UNC80: variants seen among roughly 807,000 people sequenced by gnomAD.
UNC80 encodes protein unc-80 homolog.
UNC80 carries 164 observed loss-of-function variants against 384.6 expected under a neutral mutation model. The ratio of observed to expected loss-of-function variants is 0.43; its 90% CI spans 0.38 to 0.49. UNC80 has a LOEUF of 0.49. Ranked by LOEUF, UNC80 falls within the 20% of genes least tolerant of loss-of-function variation. The pLI is 0.00. For missense variants in UNC80, 3,330 were observed against 4,143.0 expected (o/e 0.80, Z 5.39); for synonymous variants, 1,486 against 1,527.8 (o/e 0.97, Z 0.64).
chr2:209,918,032 A>G, intron 32 of UNC80, 74 bp downstream of exon 32: 3 of 1,406,594 alleles, frequency 2.1e-6, no homozygotes, highest in African/African-American at 1.4e-5. Context: ...TTGAACCTCA[A>G]AGTCACAGTA....
chr2:209,988,433 C>T (rs188286113), intron 61 of UNC80, among the ~76,000 whole-genome samples: 7 of 152,094 alleles, frequency 4.6e-5, no homozygotes, highest in Admixed American at 1.3e-4. Flanking sequence ...TTGAAATGAG[C>T]GATATGAATT....
At chr2:209,882,828 G>C (rs1286105120) in intron 25 of UNC80, among the ~76,000 whole-genome samples, 2 of 152,020 alleles carry the variant, frequency 1.3e-5, no homozygotes, top group East Asian at 1.9e-4. Flanking sequence ...AGTTTGACTA[G>C]GTTATTTTTG....
chr2:209,831,333 G>A, intron 15 of UNC80, 110 bp from the exon 16 acceptor site: 2 of 1,154,734 alleles, frequency 1.7e-6, no homozygotes, highest in South Asian at 1.9e-5. Flanking sequence ...CCTTGTTTCT[G>A]TATTTCACAT....
rs912013754 is a variant in UNC80, at chr2:209,984,947, G to A, written c.9314+35G>A. On this transcript the variant is annotated intron_variant, in intron 61 of 64. Coordinates refer to ENST00000673920, the MANE Select transcript of UNC80 (RefSeq NM_001371986.1). ...CAATGCTACCTGTCTATTGGTGTCT[G>A]TGCTGGGAAACTAGCTGTTCCCTGT... 6 of 1,531,440 alleles carry A rather than the reference G, an allele frequency of 3.9e-6. No individual in the cohort carries two copies. In the South Asian group the frequency reaches 6.2e-5, roughly 16 times the overall value. 94.9% of individuals were successfully genotyped at this position (1,531,440 alleles called of 1,614,324 possible). A position where few individuals can be genotyped will look rare whatever the true frequency, so the allele number is the denominator to read the frequency against.
At chr2:209,856,382 C>T (rs1173049707) in intron 22 of UNC80, among the ~76,000 whole-genome samples, 2 of 152,016 alleles carry the variant, frequency 1.3e-5, no homozygotes, top group African/African-American at 4.8e-5. Context: ...TGCATCATCT[C>T]CCAGTGTTCA....
chr2:209,935,384 G>A (rs1575071073), intron 39 of UNC80, among the ~76,000 whole-genome samples: 1 of 152,140 alleles, frequency 6.6e-6, no homozygotes, highest in African/African-American at 2.4e-5. Context: ...CACTTTGGGA[G>A]GCCGAGGCAG....
rs2082375119 is a variant in UNC80 at position 209,849,481 on chromosome 2, C to T, written c.3485C>T (p.Pro1162Leu). Residue 1162 changes from proline (P) to leucine (L), a missense_variant, in exon 22 of 65, where the codon CCC becomes CTC. Around this residue, in one of 8 missense-constraint regions of UNC80, gnomAD observed 801 missense variants for 950.8 expected, o/e 0.84. Coordinates refer to ENST00000673920, the MANE Select transcript of UNC80 (RefSeq NM_001371986.1). ...CACAGTTTTGATGATCATCTCTCTC[C>T]CAACCAAGATGGTGGAAAAAGCAAA... ...GCHSFDDHLS[P>L]NQDGGKSKNV... 21 of 1,550,850 alleles carry T rather than the reference C, an allele frequency of 1.4e-5. No individual in the cohort carries two copies. Among genetic ancestry groups the T allele is most frequent in the Non-Finnish European group, 1.7e-5 (20 of 1,146,480 alleles).
chr2:209,819,583 A>T (rs2079995345), intron 12 of UNC80, among the ~76,000 whole-genome samples: 1 of 152,170 alleles, frequency 6.6e-6, no homozygotes, highest in African/African-American at 2.4e-5. Context: ...GGGCAAAAAA[A>T]TTCTTCACTT....
Position 209,839,151 on chromosome 2 carries a change from A to G in UNC80, c.3042-71A>G. On this transcript the variant is annotated intron_variant, in intron 18 of 64. Transcript: ENST00000673920. This position sits in a 1 kb window ranked among gnomAD's most constrained non-coding sequence, Gnocchi z 4.1. ...ATTTGCCTAAATATCATTGACAGGA[A>G]GATGAAAGAAATTTAGGAGAATTTC... 1 of 1,364,898 alleles carries G rather than the reference A, an allele frequency of 7.3e-7. No homozygotes were observed. The highest frequency in any genetic ancestry group is 1.0e-6 in the Non-Finnish European group (1 of 992,060). The allele number at this position is 1,364,898 out of a possible 1,614,324, so 84.5% of individuals were successfully genotyped here.
chr2:209,779,414 C>T (rs576439756), intron 4 of UNC80, among the ~76,000 whole-genome samples: 1 of 152,314 alleles, frequency 6.6e-6, no homozygotes, highest in Admixed American at 6.5e-5. Flanking sequence ...TTACTCAGAA[C>T]TCAAATGGCA....
intron 6 of UNC80, among the ~76,000 whole-genome samples, chr2:209,789,844 G>A (rs568539217): frequency 4.6e-5 from 7 of 151,928 alleles, no homozygotes; most frequent in East Asian, 1.9e-4. Context: ...ATTTTATCTC[G>A]GTGGTTAGTG....
rs112283467 is a variant in UNC80 at position 209,914,804 on chromosome 2, G to A, written c.5029+864G>A. On this transcript the variant is annotated intron_variant, in intron 31 of 64. Transcript: ENST00000673920. ...TTTTTTCATTTATATCTAGAAGACT[G>A]TTTTTAAATATCAGTTTATAGTTTT... 1.9e-3 allele frequency among the ~76,000 whole-genome samples: 292 copies of A among 152,070 alleles called. 1 individual carries two copies. The highest frequency in any genetic ancestry group is 6.8e-3 in the African/African-American group (281 of 41,468).
intron 24 of UNC80, among the ~76,000 whole-genome samples, chr2:209,880,409 G>A (rs1331320441): frequency 1.3e-5 from 2 of 152,162 alleles, no homozygotes; most frequent in South Asian, 2.1e-4. Flanking sequence ...AGTATGTCTT[G>A]TCTGTGTTGC....
chr2:209,873,743 C>A (rs1445710018), intron 23 of UNC80, among the ~76,000 whole-genome samples: 2 of 152,278 alleles, frequency 1.3e-5, no homozygotes, highest in South Asian at 2.1e-4. Flanking sequence ...ATAACTGTTA[C>A]AATTTCCGTT....
intron 7 of UNC80, chr2:209,808,799 C>CGCTACTCAGCGACCTCGTTGCCTCGGT: frequency 8.8e-6 from 3 of 339,274 alleles, no homozygotes; most frequent in South Asian, 2.5e-5. Flanking sequence ...GTTGCCTCTG[C>CGCTACTCAGCGACCTCGTTGCCTCGGT]CACCATGCCG....
Position 209,994,052 on chromosome 2 carries a change from C to T in UNC80, c.9509-13C>T. 6.5e-7 allele frequency: 1 copy of T among 1,542,868 alleles called. No homozygotes were observed. The highest frequency in any genetic ancestry group is 8.8e-7 in the Non-Finnish European group (1 of 1,142,306). On this transcript the variant is annotated splice_polypyrimidine_tract_variant and intron_variant, in intron 63 of 64. Transcript: ENST00000673920. ...AACTCCTCCCCAATTTACTGTTTCA[C>T]CTCTACCTGCAGCGGATCAGAAACG...
chr2:209,865,122 C>G (rs145138420), intron 22 of UNC80, among the ~76,000 whole-genome samples: 3,379 of 152,306 alleles, frequency 0.022, 37 homozygotes, highest in Non-Finnish European at 0.035. Context: ...AGGTGCGCTG[C>G]CGCACCACAC....
chr2:209,840,492 G>T (rs1427647670), intron 19 of UNC80, 50 bp from the exon 20 acceptor site: 2 of 1,452,620 alleles, frequency 1.4e-6, no homozygotes, highest in South Asian at 2.5e-5. Flanking sequence ...CTGTTTAATT[G>T]ATTGGATAGA....
intron 62 of UNC80, among the ~76,000 whole-genome samples, chr2:209,993,079 T>C (rs746523296): frequency 1.3e-5 from 2 of 152,268 alleles, no homozygotes; most frequent in Non-Finnish European, 2.9e-5. Flanking sequence ...AAGTTTATGA[T>C]CTAAATTATG....
Sources: allele counts gnomAD v4.1 joint callset (sites outside exome capture counted in the v4.1 genomes callset), GRCh38; gene constraint gnomAD v4.1.1; regional missense constraint gnomAD v4.1.1; non-coding constraint Gnocchi (gnomAD v3.1); transcripts MANE v1.5; gene names NCBI Gene and HGNC (gene_info 2026-07-23, HGNC 2026-07-21).